The following C8orf82 variants were observed in gnomAD, a reference collection of about 807,000 sequenced individuals.
The protein encoded by C8orf82 is UPF0598 protein C8orf82.
A neutral mutation model predicts 15.0 loss-of-function variants in C8orf82; 24 were observed. That is an observed-to-expected ratio of 1.60 (90% CI 1.16 to 2.24). The LOEUF (loss-of-function observed/expected upper bound fraction) is 2.24, where lower values mean the gene tolerates loss of function less well. C8orf82 is among the 30% of genes most tolerant of loss of function. The pLI is 0.00. For synonymous variants in C8orf82, 205 were observed against 152.2 expected (o/e 1.35, Z -2.55); for missense variants, 388 against 317.4 (o/e 1.22, Z -1.69).
chr8:144,528,569 G>C, intron 1 of C8orf82, 192 bp downstream of exon 1: 1 of 1,264,140 alleles, frequency 7.9e-7, no homozygotes, highest in Non-Finnish European at 1.0e-6. Flanking sequence ...TTTCCAGCGC[G>C]CTCTCCTCCA....
Position 144,527,481 on chromosome 8 carries a change from G to T in C8orf82, c.512C>A (p.Ala171Asp). The T allele has an allele frequency of 8.0e-7, 1 of 1,257,350 alleles. No homozygotes were observed. The highest frequency in any genetic ancestry group is 1.0e-6 in the Non-Finnish European group (1 of 999,698). The allele number at this position is 1,257,350 out of a possible 1,614,324, so 77.9% of individuals were successfully genotyped here. The change falls in exon 3 of 3, where the codon GCC (alanine) becomes GAC (aspartate). Residue 171 changes from alanine to aspartate, a missense_variant. Coordinates refer to ENST00000524821, the MANE Select transcript of C8orf82 (RefSeq NM_001001795.2). ...GCAGGCGCTGAGCTCGAAGGCCAGG[G>T]CGGAGCGCACCAGGCCCACGCCGCC... ...RAGGVGLVRS[A>D]LAFELSACFE...
Position 144,527,310 on chromosome 8 carries a change from C to T in C8orf82, c.*32G>A. On this transcript the variant is annotated 3_prime_UTR_variant, in exon 3 of 3. Coordinates refer to ENST00000524821, the MANE Select transcript of C8orf82 (RefSeq NM_001001795.2). The stretch of plus-strand genomic sequence containing the variant: ...TCCCGGGGGAGCGGGGCGAGAGGCG[C>T]CCGCGGCCTCCCGCCTTTCCCTTGG... 1 of 1,152,376 alleles carries T rather than the reference C, an allele frequency of 8.7e-7. No homozygotes were observed. Among genetic ancestry groups the T allele is most frequent in the Non-Finnish European group, 1.1e-6 (1 of 934,004 alleles). The allele number at this position is 1,152,376 out of a possible 1,614,324, so 71.4% of individuals were successfully genotyped here.
At chr8:144,528,619 C>G (rs1399086858) in intron 1 of C8orf82, 142 bp downstream of exon 1, 3 of 147,836 alleles carry the variant, frequency 2.0e-5, no homozygotes, top group Non-Finnish European at 3.4e-5. Flanking sequence ...CAGGCCCCGC[C>G]CACCCACCCA....
In C8orf82 at chr8:144,527,714, G is replaced by C. The variant is rs371285020; in HGVS notation, c.279C>G (p.Pro93=). The C allele has an allele frequency of 1.3e-6, 2 of 1,590,150 alleles. No individual in the cohort carries two copies. The highest frequency in any genetic ancestry group is 2.7e-5 in the African/African-American group (2 of 74,808). The change falls in exon 3 of 3, where the codon CCC becomes CCG. Residue 93 remains proline (P), a synonymous_variant. Transcript: ENST00000524821. ...GCTCTCTGCCGCAGGGCGAGAGGAAGGGGAAAGCGGCCTCGTAGCGCCCGC... is the reference window on the plus strand; with the variant it reads ...GCTCTCTGCCGCAGGGCGAGAGGAACGGGAAAGCGGCCTCGTAGCGCCCGC... ...NRSGRYEAAF[P]FLSPCGRERN...
At chr8:144,527,957 C>T (rs1037217979) in intron 2 of C8orf82, 67 bp downstream of exon 2, 11 of 1,563,030 alleles carry the variant, frequency 7.0e-6, no homozygotes, top group African/African-American at 1.4e-5. Context: ...TCGGCAGAGT[C>T]GGGGAGCCCA....
intron 1 of C8orf82, 165 bp from the exon 2 acceptor site, chr8:144,528,237 G>A: frequency 6.7e-7 from 1 of 1,484,646 alleles, no homozygotes. Context: ...AAACCTGGGG[G>A]CCCCGCCGAC....
rs1816513969 is a variant in C8orf82 at position 144,528,895 on chromosome 8, G to A, written c.22C>T (p.Leu8Phe). The change falls in exon 1 of 3, where the codon CTC becomes TTC. Residue 8 changes from leucine to phenylalanine, a missense_variant. By Grantham distance (22) the Leu-to-Phe change is conservative. Transcript: ENST00000524821. ...GACCGCGCCAAGGCCAGGGTCCGGA[G>A]CGTCCCGCAAGGCGGCCACATTCTC... MWPPCGT[L>F]RTLALARSRG... 3 of 1,513,838 alleles carry A rather than the reference G, an allele frequency of 2.0e-6. No homozygotes were observed. The highest frequency in any genetic ancestry group is 2.6e-6 in the Non-Finnish European group (3 of 1,133,150). 93.8% of individuals were successfully genotyped at this position (1,513,838 alleles called of 1,614,324 possible).
chr8:144,527,521 C>G lies in C8orf82; in HGVS notation c.472G>C (p.Ala158Pro). The part of the protein sequence containing the change: ...LAANGRLYHP[A>P]PERAGGVGLV... ...CCCACGCCGCCCGCACGCTCCGGCG[C>G]CGGGTGGTACAGGCGCCCGTTGGCG... Residue 158 changes from alanine to proline, a missense_variant, in exon 3 of 3, where the codon GCG becomes CCG. Transcript: ENST00000524821. The G allele has an allele frequency of 7.4e-7, 1 of 1,349,338 alleles. No homozygotes were observed. The highest frequency in any genetic ancestry group is 9.5e-7 in the Non-Finnish European group (1 of 1,055,952). The allele number at this position is 1,349,338 out of a possible 1,614,324, so 83.6% of individuals were successfully genotyped here. A position where few individuals can be genotyped will look rare whatever the true frequency, so the allele number is the denominator to read the frequency against.
Position 144,528,886 on chromosome 8 carries a change from G to C in C8orf82, c.31C>G (p.Leu11Val). 2 of 1,516,454 alleles carry C rather than the reference G, an allele frequency of 1.3e-6. No individual in the cohort carries two copies. Among genetic ancestry groups the C allele is most frequent in the South Asian group, 2.5e-5 (2 of 80,206 alleles). 93.9% of individuals were successfully genotyped at this position (1,516,454 alleles called of 1,614,324 possible). A position where few individuals can be genotyped will look rare whatever the true frequency, so the allele number is the denominator to read the frequency against. Reference protein sequence around the residue: MWPPCGTLRTLALARSRGARA... With the variant: MWPPCGTLRTVALARSRGARA... ...GCTCCCCGCGACCGCGCCAAGGCCA[G>C]GGTCCGGAGCGTCCCGCAAGGCGGC... Residue 11 changes from leucine (L) to valine (V), a missense_variant, in exon 1 of 3, where the codon CTG becomes GTG. By Grantham distance (32) the Leu-to-Val change is conservative. Transcript: ENST00000524821.
chr8:144,527,164 G>T lies in C8orf82; in HGVS notation c.*178C>A, dbSNP rs1816395559. On this transcript the variant is annotated 3_prime_UTR_variant, in exon 3 of 3. Transcript: ENST00000524821. ...GGGGGCGCGCGCCGTGGGGAGCGGG[G>T]TGTCCGGGAGGGCCGGGCCGCGGCA... 3.3e-6 allele frequency: 1 copy of T among 303,804 alleles called. No individual in the cohort carries two copies. The highest frequency in any genetic ancestry group is 5.4e-6 in the Non-Finnish European group (1 of 186,040). 18.8% of individuals were successfully genotyped at this position (303,804 alleles called of 1,614,324 possible).
chr8:144,528,133 AGGAGGTCCTGAAGCTCG>A (rs1188455220), intron 1 of C8orf82, 61 bp from the exon 2 acceptor site: 87 of 1,586,292 alleles, frequency 5.5e-5, no homozygotes, highest in Admixed American at 1.0e-4. Flanking sequence ...GGGGAAGCTC[AGGAGGTCCTGAAGCTCG>A]GGAGGTCCTG....
At position 144,527,371 on chromosome 8, in the gene C8orf82, G is replaced by A. The variant is rs1236591072; in HGVS notation, c.622C>T (p.Pro208Ser). 2.4e-6 allele frequency: 3 copies of A among 1,227,574 alleles called. No homozygotes were observed. Among genetic ancestry groups the A allele is most frequent in the Admixed American group, 4.4e-5 (1 of 22,508 alleles). 76.0% of individuals were successfully genotyped at this position (1,227,574 alleles called of 1,614,324 possible). Residue 208 changes from proline to serine, a missense_variant, in exon 3 of 3, where the codon CCG becomes TCG. Pro to Ser is a moderately conservative substitution (Grantham distance 74, BLOSUM62 -1). Transcript: ENST00000524821. ...RRLALTMDLA[P>S]LLLAARSP The stretch of plus-strand genomic sequence containing the variant: ...GGCGACCGAGCCGCGAGCAGCAGCG[G>A]GGCCAGGTCCATGGTGAGGGCGAGG...
At chr8:144,528,691 C>A (rs1464906519) in intron 1 of C8orf82, 70 bp downstream of exon 1, 2 of 32,408 alleles carry the variant, frequency 6.2e-5, no homozygotes, top group Admixed American at 3.5e-4. Flanking sequence ...AGAGCCACGC[C>A]CCCCCCCCCG....
At position 144,528,058 on chromosome 8, in the gene C8orf82, A is replaced by G. The variant is rs546100464; in HGVS notation, c.171T>C (p.Asp57=). The change falls in exon 2 of 3, where the codon GAT becomes GAC. Residue 57 remains aspartate, a synonymous_variant. Transcript: ENST00000524821. The stretch of plus-strand genomic sequence containing the variant: ...AGGTGATGAAATTCTTCATTTTGGA[A>G]TCATCCAGGAAAAGCTGCAGATAGA... ...VDHQGQLFLD[D]SKMKNFITCF... The G allele has an allele frequency of 6.2e-7, 1 of 1,612,828 alleles. No individual in the cohort carries two copies. Among genetic ancestry groups the G allele is most frequent in the Admixed American group, 1.7e-5 (1 of 60,024 alleles).
At chr8:144,528,304 T>G (rs1186895896) in intron 1 of C8orf82, 1 of 1,508,592 alleles carries the variant, frequency 6.6e-7, no homozygotes, top group Middle Eastern at 1.7e-4. Flanking sequence ...TCCCGCACCT[T>G]TTCCCTCTTT....
At position 144,528,813 on chromosome 8, in the gene C8orf82, C is replaced by T. The variant is rs558546617; in HGVS notation, c.104G>A (p.Ser35Asn). 3.3e-6 allele frequency: 5 copies of T among 1,504,394 alleles called. 1 individual carries two copies. The South Asian group carries it at 5.1e-5, about 15-fold the overall frequency. The allele number at this position is 1,504,394 out of a possible 1,614,324, so 93.2% of individuals were successfully genotyped here. Residue 35 changes from serine (S) to asparagine (N), a missense_variant, in exon 1 of 3, where the codon AGT becomes AAT. Transcript: ENST00000524821. ...DGGVSYTQGQ[S>N]PEPRTREYFY... Reference sequence around the variant, plus strand: ...ATACTCGCGGGTCCGCGGCTCCGGACTCTGGCCCTGCGTGTAGGAAACGCC... The same window carrying T: ...ATACTCGCGGGTCCGCGGCTCCGGATTCTGGCCCTGCGTGTAGGAAACGCC...
chr8:144,527,879 G>C lies in C8orf82; in HGVS notation c.206-92C>G, dbSNP rs778023862. 27 of 1,525,396 alleles carry C rather than the reference G, an allele frequency of 1.8e-5. No individual in the cohort carries two copies. In the Admixed American group the frequency reaches 4.2e-4, roughly 24 times the overall value. 94.5% of individuals were successfully genotyped at this position (1,525,396 alleles called of 1,614,324 possible). Reference sequence around the variant, plus strand: ...CCGAGGGCAGGCGCCGACGGTAAGAGGTTCGCCTGGCCTCACTCAGCGGGG... The same window carrying C: ...CCGAGGGCAGGCGCCGACGGTAAGACGTTCGCCTGGCCTCACTCAGCGGGG... On this transcript the variant is annotated intron_variant, in intron 2 of 2. Transcript: ENST00000524821.
chr8:144,528,980 C>G lies in C8orf82; in HGVS notation c.-64G>C, dbSNP rs1214270409. The G allele has an allele frequency of 7.0e-7, 1 of 1,427,950 alleles. No individual in the cohort carries two copies. Among genetic ancestry groups the G allele is most frequent in the Admixed American group, 2.9e-5 (1 of 34,082 alleles). The allele number at this position is 1,427,950 out of a possible 1,614,324, so 88.5% of individuals were successfully genotyped here. The stretch of plus-strand genomic sequence containing the variant: ...GGGGCGGTGCTGCGCGAACTCGCGC[C>G]TGCCCGCAGTAGCCCCGCGCTTCGC... On this transcript the variant is annotated 5_prime_UTR_variant, in exon 1 of 3. Coordinates refer to ENST00000524821, the MANE Select transcript of C8orf82 (RefSeq NM_001001795.2).
rs886615592 is a variant in C8orf82 at position 144,526,748 on chromosome 8, G to A, written c.*594C>T. On this transcript the variant is annotated 3_prime_UTR_variant, in exon 3 of 3. Transcript: ENST00000524821. ...GGCCCTTGCGCACCTCTGCAGCGCTGCGACCTGGTGCCTGTATCCCCCACG... is the reference window on the plus strand; with the variant it reads ...GGCCCTTGCGCACCTCTGCAGCGCTACGACCTGGTGCCTGTATCCCCCACG... 6.6e-6 allele frequency: 1 copy of A among 152,296 alleles called. No individual in the cohort carries two copies. The highest frequency in any genetic ancestry group is 2.4e-5 in the African/African-American group (1 of 41,468). 9.4% of individuals were successfully genotyped at this position (152,296 alleles called of 1,614,324 possible). A position where few individuals can be genotyped will look rare whatever the true frequency, so the allele number is the denominator to read the frequency against.
Sources: gnomAD v4.1 joint callset for allele counts on GRCh38, gnomAD v4.1.1 for gene constraint, MANE v1.5 for transcripts, NCBI Gene and HGNC (gene_info 2026-07-23, HGNC 2026-07-21) for gene names.